The following ZMAT3 variants were observed in gnomAD, a reference collection of about 807,000 sequenced individuals.
The protein encoded by ZMAT3 is zinc finger matrin-type protein 3.
A neutral mutation model predicts 32.3 loss-of-function variants in ZMAT3; 17 were observed. The ratio of observed to expected loss-of-function variants is 0.53; its 90% confidence interval spans 0.36 to 0.79. ZMAT3 has a LOEUF of 0.79. Ranked by LOEUF, ZMAT3 falls within the 30% of genes least tolerant of loss-of-function variation. The pLI, the probability that ZMAT3 is intolerant of heterozygous loss-of-function variation, is 0.00. For synonymous variants in ZMAT3, 120 were observed against 133.1 expected (o/e 0.90, Z 0.68); for missense variants, 329 against 359.7 (o/e 0.91, Z 0.69).
intron 2 of ZMAT3, among the ~76,000 whole-genome samples, chr3:179,058,822 T>C (rs1320705906): frequency 2.9e-5 from 4 of 136,572 alleles, no homozygotes; most frequent in African/African-American, 5.0e-5. Flanking sequence ...TGGTCAGTGA[T>C]AATGGAATAC....
chr3:179,067,477 C>G lies in ZMAT3; in HGVS notation c.270+6G>C. ...CTCAATGCCTGGTTTTCTTTTCTCC[C>G]TTTACCTGATAATGAGCCTGGGCTT... On this transcript the variant is annotated splice_donor_region_variant and intron_variant, in intron 2 of 5. Transcript: ENST00000311417. 1 of 1,613,718 alleles carries G rather than the reference C, an allele frequency of 6.2e-7. No individual in the cohort carries two copies.
At position 179,025,140 on chromosome 3, in the gene ZMAT3, T is replaced by C; in HGVS notation, c.747A>G (p.Ser249=). Residue 249 remains serine, a synonymous_variant, in exon 6 of 6, where the codon TCA becomes TCG. Transcript: ENST00000311417. ...CTTCGCCAGCTCCAACATTACACATTGAGCAGTAAAACTGGCCACTTGGAG... is the reference window on the plus strand; with the variant it reads ...CTTCGCCAGCTCCAACATTACACATCGAGCAGTAAAACTGGCCACTTGGAG... ...CVTPSGQFYC[S]MCNVGAGEEM... is the part of the protein sequence containing the mutation. 4 of 1,614,202 alleles carry C rather than the reference T, an allele frequency of 2.5e-6. No homozygotes were observed. Among genetic ancestry groups the C allele is most frequent in the Non-Finnish European group, 3.4e-6 (4 of 1,180,044 alleles).
chr3:179,041,821 A>G (rs971768495), intron 2 of ZMAT3, among the ~76,000 whole-genome samples: 1 of 152,164 alleles, frequency 6.6e-6, no homozygotes, highest in Middle Eastern at 3.2e-3. Flanking sequence ...GATCAACAAA[A>G]TTGAGAGACC....
chr3:179,027,155 T>C (rs1718914102), intron 5 of ZMAT3, among the ~76,000 whole-genome samples: 1 of 152,102 alleles, frequency 6.6e-6, no homozygotes, highest in Admixed American at 6.5e-5. Flanking sequence ...CAGCTGGAAA[T>C]ATAAACAAAC....
intron 2 of ZMAT3, among the ~76,000 whole-genome samples, chr3:179,043,201 T>G (rs1576854920): frequency 6.6e-6 from 1 of 152,218 alleles, no homozygotes; most frequent in African/African-American, 2.4e-5. Context: ...AATGACTTTC[T>G]TCACAGAATT....
chr3:179,031,941 C>A (rs113455810), intron 2 of ZMAT3, among the ~76,000 whole-genome samples: 789 of 2,586 alleles, frequency 0.31, 20 homozygotes, highest in East Asian at 0.48. Flanking sequence ...CTCTCCCTCC[C>A]CCTCCCCCTC....
At chr3:179,050,342 G>C (rs751908611) in intron 2 of ZMAT3, among the ~76,000 whole-genome samples, 5 of 152,088 alleles carry the variant, frequency 3.3e-5, no homozygotes, top group Non-Finnish European at 7.4e-5. Flanking sequence ...AGGCTATTAT[G>C]AACACCTTTA....
At chr3:179,070,444 G>A (rs1231362628) in intron 1 of ZMAT3, among the ~76,000 whole-genome samples, 1 of 152,076 alleles carries the variant, frequency 6.6e-6, no homozygotes, top group African/African-American at 2.4e-5. Context: ...TTTATTTCTT[G>A]TTATATTTAA....
chr3:179,051,875 A>G (rs1031742913), intron 2 of ZMAT3, among the ~76,000 whole-genome samples: 1 of 152,208 alleles, frequency 6.6e-6, no homozygotes, highest in Admixed American at 6.5e-5. Flanking sequence ...ATAAAGCCAA[A>G]TACTTACGGT....
chr3:179,057,392 T>G (rs755609370), intron 2 of ZMAT3, among the ~76,000 whole-genome samples: 1 of 152,220 alleles, frequency 6.6e-6, no homozygotes, highest in Non-Finnish European at 1.5e-5. Flanking sequence ...AATTCTTGTT[T>G]GCTTTTGAAG....
intron 2 of ZMAT3, among the ~76,000 whole-genome samples, chr3:179,051,326 C>T (rs1257769638): frequency 6.6e-6 from 1 of 152,070 alleles, no homozygotes; most frequent in Non-Finnish European, 1.5e-5. Context: ...AAATCAGTAG[C>T]TCTGCTATAC....
chr3:179,060,653 T>A (rs1039060812), intron 2 of ZMAT3, among the ~76,000 whole-genome samples: 1 of 151,948 alleles, frequency 6.6e-6, no homozygotes, highest in Non-Finnish European at 1.5e-5. Context: ...CAAAAATATA[T>A]ATATTTTTTA....
intron 2 of ZMAT3, among the ~76,000 whole-genome samples, chr3:179,042,984 A>C (rs1035271897): frequency 3.3e-5 from 5 of 152,086 alleles, no homozygotes; most frequent in Non-Finnish European, 7.4e-5. Context: ...TTGCTACGAA[A>C]ACAATAAAAT....
intron 2 of ZMAT3, among the ~76,000 whole-genome samples, chr3:179,059,787 C>A (rs1721057361): frequency 1.3e-5 from 2 of 152,190 alleles, no homozygotes; most frequent in African/African-American, 2.4e-5. Context: ...TGTCGGCCAA[C>A]CTCCCCAACA....
intron 2 of ZMAT3, among the ~76,000 whole-genome samples, chr3:179,043,178 C>T (rs1720047232): frequency 6.6e-6 from 1 of 152,152 alleles, no homozygotes; most frequent in Admixed American, 6.6e-5. Context: ...AATGCCATCC[C>T]CATCAAGCTA....
At position 179,055,059 on chromosome 3, in the gene ZMAT3, C is replaced by T. The variant is rs546498108; in HGVS notation, c.270+12424G>A. ...GCTTGCCACCATCTTGGAAGTGGCC[C>T]GCCGCCATCTTGGGAGCTCTGGGAG... On this transcript the variant is annotated intron_variant, in intron 2 of 5. Transcript: ENST00000311417. Among the ~76,000 whole-genome samples the T allele has an allele frequency of 1.5e-4, 23 of 152,196 alleles. No individual in the cohort carries two copies. In the South Asian group the frequency reaches 2.7e-3, roughly 18 times the overall value.
rs1719223804 is a variant in ZMAT3 at position 179,031,923 on chromosome 3, AACT to A, written c.271-927_271-925del. Reference sequence around the variant, plus strand: ...TTCTGTCTCAAATAAAAAAAAAAAAAACTCTCCCTCTCCCTCCCCCTCCCCCTC... The same window carrying A: ...TTCTGTCTCAAATAAAAAAAAAAAAACTCCCTCTCCCTCCCCCTCCCCCTC... On this transcript the variant is annotated intron_variant, in intron 2 of 5. Coordinates refer to ENST00000311417, the MANE Select transcript of ZMAT3 (RefSeq NM_022470.4). 3.3e-4 allele frequency among the ~76,000 whole-genome samples: 3 copies of A among 9,222 alleles called. 1 individual carries two copies. Among genetic ancestry groups the A allele is most frequent in the Non-Finnish European group, 5.1e-4 (3 of 5,928 alleles). 6.0% of individuals were successfully genotyped at this position (9,222 alleles called of 152,430 possible).
intron 2 of ZMAT3, among the ~76,000 whole-genome samples, chr3:179,043,722 T>C (rs1184575466): frequency 1.3e-5 from 2 of 151,930 alleles, no homozygotes; most frequent in Non-Finnish European, 2.9e-5. Context: ...AATAGACAAA[T>C]GGGACCTAAT....
At chr3:179,037,013 G>A (rs189692141) in intron 2 of ZMAT3, among the ~76,000 whole-genome samples, 10 of 152,190 alleles carry the variant, frequency 6.6e-5, no homozygotes, top group Admixed American at 3.9e-4. Flanking sequence ...CCTCTTTTGG[G>A]TCCCCTCTCA....
Sources: gnomAD v4.1 joint callset for allele counts (sites outside exome capture counted in the v4.1 genomes callset) on GRCh38, gnomAD v4.1.1 for gene constraint, MANE v1.5 for transcripts, NCBI Gene and HGNC (gene_info 2026-07-23, HGNC 2026-07-21) for gene names.